Variants in NEMP2 observed in about 807,000 individuals in gnomAD.
NEMP2 encodes the protein nuclear envelope integral membrane protein 2, also known as UPF0571 transmembrane protein.
A neutral mutation model predicts 54.2 loss-of-function variants in NEMP2; 53 were observed. The observed-to-expected ratio is 0.98, with a 90% CI of 0.78 to 1.23. NEMP2 has a LOEUF of 1.23. NEMP2 is among the 50% of genes most tolerant of loss of function. The pLI, the probability that NEMP2 is intolerant of heterozygous loss-of-function variation, is 0.00. For missense variants in NEMP2, 455 were observed against 511.3 expected (o/e 0.89, Z 1.06); for synonymous variants, 197 against 190.3 (o/e 1.04, Z -0.29).
chr2:190,448,423 T>C, the NEMP2 span, among the ~76,000 whole-genome samples: 1,178 of 152,312 alleles, frequency 7.7e-3, 6 homozygotes, highest in Middle Eastern at 0.024. Flanking sequence ...TAGCCATCAA[T>C]TGAGGAATGG....
the NEMP2 span, among the ~76,000 whole-genome samples, chr2:190,638,932 C>A: frequency 1.3e-5 from 2 of 152,168 alleles, no homozygotes; most frequent in Non-Finnish European, 2.9e-5. This position sits in a 1 kb window ranked among gnomAD's most constrained non-coding sequence, Gnocchi z 5.7. Context: ...ACAAACAGGG[C>A]ATCAGATGTG....
chr2:190,430,319 GA>G, the NEMP2 span, among the ~76,000 whole-genome samples: 1 of 150,686 alleles, frequency 6.6e-6, no homozygotes, highest in Non-Finnish European at 1.5e-5. Context: ...AGTGAACAAA[GA>G]TCTCTGGTTT....
the NEMP2 span, chr2:190,629,878 C>G: frequency 2.0e-5 from 3 of 152,204 alleles, no homozygotes; most frequent in African/African-American, 7.2e-5. Context: ...GTGGGATCAA[C>G]AATTTCAGAG....
the NEMP2 span, among the ~76,000 whole-genome samples, chr2:190,614,543 A>G: frequency 6.6e-6 from 1 of 152,188 alleles, no homozygotes; most frequent in African/African-American, 2.4e-5. The surrounding 1 kb of genome is among the most constrained non-coding windows in gnomAD (Gnocchi z 5.7). Context: ...AGTTAAGCTG[A>G]CTCTCAATCA....
At chr2:190,611,032 G>A in the NEMP2 span, 3 of 152,154 alleles carry the variant, frequency 2.0e-5, no homozygotes, top group Non-Finnish European at 4.4e-5. This position sits in a 1 kb window ranked among gnomAD's most constrained non-coding sequence, Gnocchi z 5.4. Context: ...CTTTATAGCT[G>A]ATTATAAAAT....
At chr2:190,434,681 C>G in the NEMP2 span, among the ~76,000 whole-genome samples, 1 of 152,204 alleles carries the variant, frequency 6.6e-6, no homozygotes, top group East Asian at 1.9e-4. This position sits in a 1 kb window ranked among gnomAD's most constrained non-coding sequence, Gnocchi z 4.3. Context: ...ATCCGCCCCC[C>G]TCAGCCTCCC....
At chr2:190,482,312 T>G in the NEMP2 span, among the ~76,000 whole-genome samples, 1 of 152,136 alleles carries the variant, frequency 6.6e-6, no homozygotes. Flanking sequence ...ATAGACTTTT[T>G]CTTTTATTGC....
chr2:190,635,443 G>A, the NEMP2 span, among the ~76,000 whole-genome samples: 1 of 152,132 alleles, frequency 6.6e-6, no homozygotes, highest in Non-Finnish European at 1.5e-5. This position sits in a 1 kb window ranked among gnomAD's most constrained non-coding sequence, Gnocchi z 4.1. Context: ...CAAACTCTTG[G>A]CCTCAAGAAG....
the NEMP2 span, among the ~76,000 whole-genome samples, chr2:190,544,930 C>CAAAAAA: frequency 1.1e-5 from 1 of 90,794 alleles, no homozygotes; most frequent in Non-Finnish European, 2.1e-5. Flanking sequence ...TCTACCCCCG[C>CAAAAAA]AAAAAAAAAA....
the NEMP2 span, among the ~76,000 whole-genome samples, chr2:190,637,812 A>G: frequency 6.6e-6 from 1 of 152,224 alleles, no homozygotes; most frequent in Non-Finnish European, 1.5e-5. The surrounding 1 kb of genome is among the most constrained non-coding windows in gnomAD (Gnocchi z 4.5). Context: ...TAGGGCAGAG[A>G]TTTAATTTTC....
chr2:190,630,712 A>C, the NEMP2 span, among the ~76,000 whole-genome samples: 1 of 152,210 alleles, frequency 6.6e-6, no homozygotes, highest in African/African-American at 2.4e-5. The surrounding 1 kb of genome is among the most constrained non-coding windows in gnomAD (Gnocchi z 5.5). Flanking sequence ...ATTATCACTT[A>C]TAAAAATGTC....
At chr2:190,541,170 ATATATATGTG>A in the NEMP2 span, among the ~76,000 whole-genome samples, 11 of 139,444 alleles carry the variant, frequency 7.9e-5, no homozygotes, top group African/African-American at 2.3e-4. This position sits in a 1 kb window ranked among gnomAD's most constrained non-coding sequence, Gnocchi z 5.2. Context: ...ATTTCATTTT[ATATATATGTG>A]TATATATATA....
chr2:190,514,454 A>G lies in NEMP2; in HGVS notation c.952T>C (p.Trp318Arg), dbSNP rs1273383189. The change falls in exon 7 of 9, where the codon TGG (tryptophan) becomes CGG (arginine). Residue 318 changes from tryptophan (W) to arginine (R), a missense_variant and splice_region_variant. Coordinates refer to ENST00000409150, the MANE Select transcript of NEMP2 (RefSeq NM_001142645.2). The surrounding 1 kb of genome is among the most constrained non-coding windows in gnomAD (Gnocchi z 5.7). ...YPLRACSYMR[W>R]KMEQWFTSKE... is the part of the protein sequence containing the mutation. The stretch of plus-strand genomic sequence containing the variant: ...CTGGGGGAAAAAAATGATACATACC[A>G]CCTCATATAACTGCATGCTCTCAGT... 2 of 1,550,250 alleles carry G rather than the reference A, an allele frequency of 1.3e-6. No homozygotes were observed. The highest frequency in any genetic ancestry group is 1.7e-6 in the Non-Finnish European group (2 of 1,146,574).
the NEMP2 span, among the ~76,000 whole-genome samples, chr2:190,636,561 C>T: frequency 5.9e-5 from 9 of 152,328 alleles, no homozygotes; most frequent in Middle Eastern, 6.8e-3. Flanking sequence ...GTCGTAATGA[C>T]GGTAGGTCAG....
the NEMP2 span, among the ~76,000 whole-genome samples, chr2:190,572,857 A>ATATATATATG: frequency 1.6e-5 from 2 of 123,690 alleles, no homozygotes; most frequent in South Asian, 5.2e-4. Flanking sequence ...ATATATATAT[A>ATATATATATG]TATATATATA....
the NEMP2 span, among the ~76,000 whole-genome samples, chr2:190,556,012 G>C: frequency 6.6e-6 from 1 of 152,162 alleles, no homozygotes; most frequent in Admixed American, 6.5e-5. Flanking sequence ...AAACCTGGCA[G>C]AGACACAACA....
the NEMP2 span, among the ~76,000 whole-genome samples, chr2:190,456,188 G>A: frequency 3.3e-5 from 5 of 151,900 alleles, no homozygotes; most frequent in Non-Finnish European, 1.5e-5. The surrounding 1 kb of genome is among the most constrained non-coding windows in gnomAD (Gnocchi z 5.4). Context: ...TGATCTACCC[G>A]CCTCAGCCTC....
the NEMP2 span, among the ~76,000 whole-genome samples, chr2:190,568,690 C>T: frequency 2.2e-3 from 340 of 152,070 alleles, 9 homozygotes; most frequent in East Asian, 5.8e-4. The surrounding 1 kb of genome is among the most constrained non-coding windows in gnomAD (Gnocchi z 4.7). Flanking sequence ...GGCGTGGTGG[C>T]GCATGCCTGT....
At chr2:190,547,652 A>C in the NEMP2 span, among the ~76,000 whole-genome samples, 1 of 152,140 alleles carries the variant, frequency 6.6e-6, no homozygotes, top group African/African-American at 2.4e-5. This position sits in a 1 kb window ranked among gnomAD's most constrained non-coding sequence, Gnocchi z 6.2. Context: ...CAACCTCCTG[A>C]GTAGCTGGGA....
Sources: gnomAD v4.1 joint callset for allele counts (sites outside exome capture counted in the v4.1 genomes callset) on GRCh38, gnomAD v4.1.1 for gene constraint, Gnocchi (gnomAD v3.1) non-coding constraint, MANE v1.5 for transcripts, NCBI Gene and HGNC (gene_info 2026-07-23, HGNC 2026-07-21) for gene names.